DOCK11: variants seen among roughly 807,000 people sequenced by gnomAD.
DOCK11 encodes dedicator of cytokinesis 11, also known as dedicator of cytokinesis protein 11.
A neutral mutation model predicts 169.1 loss-of-function variants in DOCK11; 70 were observed. The ratio of observed to expected loss-of-function variants is 0.41; its 90% confidence interval spans 0.34 to 0.51. The LOEUF is 0.51. DOCK11 is among the 20% of genes least tolerant of loss of function. The pLI, the probability that DOCK11 is intolerant of heterozygous loss-of-function variation, is 0.10. For missense variants in DOCK11, 1,166 were observed against 1,538.8 expected (o/e 0.76, Z 4.05); for synonymous variants, 529 against 541.3 (o/e 0.98, Z 0.32).
In DOCK11 at chrX:118,501,846, G is replaced by A. The variant is rs138317249; in HGVS notation, c.102+5773G>A. On this transcript the variant is annotated intron_variant, in intron 1 of 52. Coordinates refer to ENST00000276202, the MANE Select transcript of DOCK11 (RefSeq NM_144658.4). ...TTCATTTCCCCTCTCCCATGCCAAC[G>A]CTTGTTAGTAATATTTTAAAAATTT... Among the ~76,000 whole-genome samples the A allele has an allele frequency of 1.4e-3, 159 of 111,654 alleles. 5 individuals carry two copies. In the East Asian group the frequency reaches 0.042, roughly 30 times the overall value.
chrX:118,646,975 G>T (rs990467924), intron 40 of DOCK11, among the ~76,000 whole-genome samples: 35 of 105,692 alleles, frequency 3.3e-4, no homozygotes, highest in Non-Finnish European at 6.2e-4. Flanking sequence ...AAAAGCATGG[G>T]AAATTGTAAC....
chrX:118,549,875 G>C (rs1362356684), intron 6 of DOCK11, among the ~76,000 whole-genome samples: 1 of 111,744 alleles, frequency 8.9e-6, no homozygotes, highest in Non-Finnish European at 1.9e-5. Context: ...CTACTACACA[G>C]CTTAAAAAAA....
At chrX:118,543,069 C>T in intron 3 of DOCK11, 54 bp downstream of exon 3, 3 of 892,571 alleles carry the variant, frequency 3.4e-6, no homozygotes, top group Non-Finnish European at 3.2e-6. Flanking sequence ...AAAATATATA[C>T]AGTATTTATA....
intron 46 of DOCK11, among the ~76,000 whole-genome samples, chrX:118,672,685 T>TC (rs2016512950): frequency 8.8e-6 from 1 of 113,187 alleles, no homozygotes; most frequent in South Asian, 3.6e-4. Context: ...TGCGCCCGCC[T>TC]TGGCCTCCCA....
Position 118,608,219 on chromosome X carries a change from G to A in DOCK11, c.2752-12G>A. Reference sequence around the variant, plus strand: ...TCTTACAGTTCATTTTTTTTTGTTTGTTTATTTGTAGTATAGCTTCCGACC... The same window carrying A: ...TCTTACAGTTCATTTTTTTTTGTTTATTTATTTGTAGTATAGCTTCCGACC... On this transcript the variant is annotated splice_polypyrimidine_tract_variant and intron_variant, in intron 25 of 52. Transcript: ENST00000276202. 2.5e-6 allele frequency: 3 copies of A among 1,189,149 alleles called. No individual in the cohort carries two copies. Among genetic ancestry groups the A allele is most frequent in the South Asian group, 3.7e-5 (2 of 53,414 alleles).
Position 118,561,394 on chromosome X carries a change from A to G in DOCK11, c.570A>G (p.Arg190=). 8.3e-7 allele frequency: 1 copy of G among 1,199,291 alleles called. No individual in the cohort carries two copies. The highest frequency in any genetic ancestry group is 1.1e-6 in the Non-Finnish European group (1 of 889,912). The change falls in exon 7 of 53, where the codon AGA becomes AGG. Residue 190 remains arginine (R), a synonymous_variant. Coordinates refer to ENST00000276202, the MANE Select transcript of DOCK11 (RefSeq NM_144658.4). Reference sequence around the variant, plus strand: ...TTTTCCCCATGTAGGTATTCAAGAGACGATATTTTTACTTGACCCAACTTC... The same window carrying G: ...TTTTCCCCATGTAGGTATTCAAGAGGCGATATTTTTACTTGACCCAACTTC... ...TITVTMKVFK[R]RYFYLTQLPD...
At chrX:118,659,119 C>G (rs1331638188) in intron 44 of DOCK11, among the ~76,000 whole-genome samples, 1 of 111,543 alleles carries the variant, frequency 9.0e-6, no homozygotes, top group Non-Finnish European at 1.9e-5. Context: ...CCTCAGGACT[C>G]TTAGCTCTTA....
rs1477069121 is a variant in DOCK11, at chrX:118,585,129, T to C, written c.1795+12T>C. On this transcript the variant is annotated intron_variant, in intron 16 of 52. Transcript: ENST00000276202. The stretch of plus-strand genomic sequence containing the variant: ...TGTGGATTTATCAAGTAAGAACATA[T>C]TGCAAATAAACCTTAAGCATAATGT... 1.7e-6 allele frequency: 2 copies of C among 1,171,090 alleles called. No individual in the cohort carries two copies. The highest frequency in any genetic ancestry group is 2.3e-6 in the Non-Finnish European group (2 of 859,358).
intron 1 of DOCK11, among the ~76,000 whole-genome samples, chrX:118,509,960 T>G (rs1461226364): frequency 8.9e-6 from 1 of 111,914 alleles, no homozygotes; most frequent in Admixed American, 9.5e-5. Flanking sequence ...GCTTCTGTCA[T>G]TATATCTCCT....
At chrX:118,531,778 C>T (rs999223103) in intron 1 of DOCK11, among the ~76,000 whole-genome samples, 4 of 110,118 alleles carry the variant, frequency 3.6e-5, no homozygotes, top group African/African-American at 9.9e-5. Flanking sequence ...AGGCAGGTCT[C>T]GAACTCCTGA....
At chrX:118,568,276 T>TTTTATATTTGTTTTATATTTG (rs2013140875) in intron 10 of DOCK11, 114 bp downstream of exon 10, 2 of 402,881 alleles carry the variant, frequency 5.0e-6, no homozygotes, top group African/African-American at 2.6e-5. Context: ...ATATAGATTG[T>TTTTATATTTGTTTTATATTTG]TTTATATTTG....
chrX:118,533,051 T>C (rs1258072767), intron 1 of DOCK11, among the ~76,000 whole-genome samples: 1 of 111,414 alleles, frequency 9.0e-6, no homozygotes, highest in African/African-American at 3.3e-5. Flanking sequence ...GAGTGCAATG[T>C]CATGGTCTCC....
chrX:118,647,769 AAT>A (rs1221853770), intron 40 of DOCK11, among the ~76,000 whole-genome samples: 4 of 34,907 alleles, frequency 1.1e-4, no homozygotes, highest in African/African-American at 6.1e-4. Context: ...AATATATTAT[AAT>A]ATATAATAAT....
At chrX:118,610,706 A>G (rs1052057275) in intron 28 of DOCK11, among the ~76,000 whole-genome samples, 13 of 111,702 alleles carry the variant, frequency 1.2e-4, no homozygotes, top group Non-Finnish European at 2.1e-4. Context: ...TCCATAGAAG[A>G]CATTGGCATT....
intron 23 of DOCK11, 128 bp downstream of exon 23, chrX:118,599,356 C>CT: frequency 6.2e-6 from 3 of 481,498 alleles, no homozygotes; most frequent in Non-Finnish European, 1.1e-5. Flanking sequence ...CAAGAGAATA[C>CT]TTTCTATGAT....
rs2015578075 is a variant in DOCK11 at position 118,643,340 on chromosome X, T to A, written c.4261-117T>A. The stretch of plus-strand genomic sequence containing the variant: ...ATGGCACAAATATTTTGAAATTATA[T>A]GCAAGAGCCTTTTATTTTCCTGAAA... On this transcript the variant is annotated intron_variant, in intron 39 of 52. Coordinates refer to ENST00000276202, the MANE Select transcript of DOCK11 (RefSeq NM_144658.4). 12 of 743,487 alleles carry A rather than the reference T, an allele frequency of 1.6e-5. 1 individual carries two copies. The South Asian group carries it at 3.1e-4, about 19-fold the overall frequency. 61.3% of individuals were successfully genotyped at this position (743,487 alleles called of 1,213,427 possible).
chrX:118,518,549 G>GAAAT (rs1438703263), intron 1 of DOCK11, among the ~76,000 whole-genome samples: 1 of 111,865 alleles, frequency 8.9e-6, no homozygotes, highest in Non-Finnish European at 1.9e-5. Flanking sequence ...ATCTCTTAAA[G>GAAAT]AAATGGTTTG....
At position 118,643,549 on chromosome X, in the gene DOCK11, G is replaced by A. The variant is rs1158040140; in HGVS notation, c.4353G>A (p.Val1451=). 4 of 1,211,096 alleles carry A rather than the reference G, an allele frequency of 3.3e-6. No homozygotes were observed. The East Asian group carries it at 1.2e-4, about 36-fold the overall frequency. ...LAFLKNGQSE[V]SLKHVFASLR... ...TTCTTAAAAATGGACAATCTGAAGT[G>A]TCGCTGAAACATGTATTTGCCTCAC... Residue 1451 remains valine, a synonymous_variant, in exon 40 of 53, where the codon GTG becomes GTA. Coordinates refer to ENST00000276202, the MANE Select transcript of DOCK11 (RefSeq NM_144658.4).
chrX:118,543,452 A>C, intron 3 of DOCK11, 59 bp from the exon 4 acceptor site: 1 of 979,438 alleles, frequency 1.0e-6, no homozygotes, highest in Non-Finnish European at 1.4e-6. Context: ...GAGTTTTAAA[A>C]AGTGGATATA....
Sources: allele counts gnomAD v4.1 joint callset (sites outside exome capture counted in the v4.1 genomes callset), GRCh38; gene constraint gnomAD v4.1.1; transcripts MANE v1.5; gene names NCBI Gene and HGNC (gene_info 2026-07-23, HGNC 2026-07-21).